SPMIP7: variants seen among roughly 807,000 people sequenced by gnomAD.
SPMIP7 encodes protein SPMIP7.
the SPMIP7 span, among the ~76,000 whole-genome samples, chr7:50,123,491 G>A: frequency 1.5e-4 from 22 of 149,692 alleles, no homozygotes; most frequent in East Asian, 4.0e-4. Flanking sequence ...TGGTTGCAGC[G>A]CACCAGCATG....
chr7:50,129,676 T>C, the SPMIP7 span: 4 of 1,274,716 alleles, frequency 3.1e-6, no homozygotes, highest in African/African-American at 4.5e-5. Flanking sequence ...CAATTTCCAT[T>C]TATATTTGGT....
At chr7:50,108,692 C>A in the SPMIP7 span, among the ~76,000 whole-genome samples, 1 of 152,194 alleles carries the variant, frequency 6.6e-6, no homozygotes, top group Admixed American at 6.5e-5. Flanking sequence ...TTGATTGTAC[C>A]TACCCTGATA....
chr7:50,159,199 C>T, the SPMIP7 span: 2 of 1,545,842 alleles, frequency 1.3e-6, no homozygotes, highest in South Asian at 1.2e-5. Flanking sequence ...GCTGTCCAGG[C>T]CTCCGCCTGG....
At chr7:50,115,517 T>A in the SPMIP7 span, among the ~76,000 whole-genome samples, 1 of 152,142 alleles carries the variant, frequency 6.6e-6, no homozygotes, top group Admixed American at 6.5e-5. Flanking sequence ...TTCTGGAATA[T>A]CAAACACATC....
the SPMIP7 span, among the ~76,000 whole-genome samples, chr7:50,125,399 C>CGT: frequency 7.0e-6 from 1 of 142,470 alleles, no homozygotes; most frequent in Non-Finnish European, 1.5e-5. Flanking sequence ...TATATATATA[C>CGT]ATATATATAT....
At chr7:50,112,910 T>C in the SPMIP7 span, among the ~76,000 whole-genome samples, 6 of 148,718 alleles carry the variant, frequency 4.0e-5, no homozygotes, top group African/African-American at 1.2e-4. Flanking sequence ...TTTGGAGATA[T>C]GCAAAAGAGA....
chr7:50,098,243 A>G, the SPMIP7 span, among the ~76,000 whole-genome samples: 1 of 152,178 alleles, frequency 6.6e-6, no homozygotes, highest in Non-Finnish European at 1.5e-5. Flanking sequence ...ACCTGTGTAG[A>G]CCTTTTACTG....
chr7:50,135,940 C>T, the SPMIP7 span, among the ~76,000 whole-genome samples: 27 of 152,262 alleles, frequency 1.8e-4, no homozygotes, highest in Middle Eastern at 3.4e-3. Flanking sequence ...GGCTCCAGAC[C>T]GAATCCATGA....
the SPMIP7 span, among the ~76,000 whole-genome samples, chr7:50,124,973 C>T: frequency 6.6e-6 from 1 of 151,300 alleles, no homozygotes; most frequent in East Asian, 1.9e-4. Context: ...GTGGCGGGTG[C>T]CTGTAATCCC....
chr7:50,145,620 A>ATATG, the SPMIP7 span, among the ~76,000 whole-genome samples: 3 of 48,058 alleles, frequency 6.2e-5, no homozygotes, highest in Non-Finnish European at 1.1e-4. Flanking sequence ...ATGTGTGTGT[A>ATATG]TATATATATA....
At chr7:50,103,029 G>T in the SPMIP7 span, among the ~76,000 whole-genome samples, 1 of 132,546 alleles carries the variant, frequency 7.5e-6, no homozygotes, top group South Asian at 2.3e-4. Context: ...GTATATACTT[G>T]TAAGTATATA....
chr7:50,115,562 G>A, the SPMIP7 span, among the ~76,000 whole-genome samples: 3 of 152,096 alleles, frequency 2.0e-5, no homozygotes, highest in African/African-American at 7.2e-5. Flanking sequence ...ATAGAAAGAT[G>A]TTCTCGGATT....
chr7:50,112,870 A>AT, the SPMIP7 span, among the ~76,000 whole-genome samples: 1 of 151,798 alleles, frequency 6.6e-6, no homozygotes, highest in Admixed American at 6.6e-5. Flanking sequence ...GAGAAGAGGG[A>AT]GTTATCCGGA....
the SPMIP7 span, among the ~76,000 whole-genome samples, chr7:50,157,778 C>T: frequency 6.6e-6 from 1 of 152,150 alleles, no homozygotes; most frequent in Non-Finnish European, 1.5e-5. Flanking sequence ...CTCATAATAG[C>T]TGGCCCAACT....
chr7:50,146,344 C>G, the SPMIP7 span, among the ~76,000 whole-genome samples: 1 of 152,176 alleles, frequency 6.6e-6, no homozygotes, highest in African/African-American at 2.4e-5. Flanking sequence ...AGGGCAAGCT[C>G]TTGCCTTAAC....
chr7:50,096,136 G>T, the SPMIP7 span: 4 of 1,543,904 alleles, frequency 2.6e-6, no homozygotes, highest in Non-Finnish European at 3.5e-6. Context: ...TCTCTAAAAG[G>T]TCCATCCTTT....
the SPMIP7 span, among the ~76,000 whole-genome samples, chr7:50,098,106 T>A: frequency 7.0e-6 from 1 of 142,496 alleles, no homozygotes; most frequent in Non-Finnish European, 1.5e-5. Flanking sequence ...TTCTAATACA[T>A]TCTCATAAAG....
the SPMIP7 span, among the ~76,000 whole-genome samples, chr7:50,133,627 A>T: frequency 6.6e-6 from 1 of 152,244 alleles, no homozygotes; most frequent in South Asian, 2.1e-4. Context: ...TTTACTGTTT[A>T]GGGTTCCCTA....
the SPMIP7 span, among the ~76,000 whole-genome samples, chr7:50,155,790 C>T: frequency 6.6e-6 from 1 of 152,286 alleles, no homozygotes; most frequent in East Asian, 1.9e-4. Flanking sequence ...CGCAATCCCT[C>T]TCAATACACA....
Sources: gnomAD v4.1 joint callset for allele counts (sites outside exome capture counted in the v4.1 genomes callset) on GRCh38, gnomAD v4.1.1 for gene constraint, MANE v1.5 for transcripts, NCBI Gene and HGNC (gene_info 2026-07-23, HGNC 2026-07-21) for gene names.